The following ABR variants were observed in gnomAD, a reference collection of about 807,000 sequenced individuals.
The protein encoded by ABR is ABR activator of RhoGEF and GTPase, also known as active breakpoint cluster region-related protein.
Under a neutral mutation model 107.2 loss-of-function variants are expected in ABR, and 35 were observed. The observed-to-expected ratio is 0.33, with a 90% CI of 0.25 to 0.43. The LOEUF is 0.43. ABR is among the 20% of genes least tolerant of loss of function. The pLI is 1.00. For synonymous variants in ABR, 498 were observed against 462.0 expected (o/e 1.08, Z -1.00); for missense variants, 815 against 1,115.2 (o/e 0.73, Z 3.83).
At chr17:1,112,885 C>G (rs1460388565) in intron 2 of ABR, among the ~76,000 whole-genome samples, 4 of 151,650 alleles carry the variant, frequency 2.6e-5, no homozygotes. Flanking sequence ...AATCAGCAAG[C>G]ATTTGTTAAC....
At chr17:1,209,208 T>C (rs1229250235) in intron 1 of ABR, among the ~76,000 whole-genome samples, 6 of 152,058 alleles carry the variant, frequency 3.9e-5, no homozygotes, top group African/African-American at 1.4e-4. Context: ...CATACAGTGT[T>C]TTACTCTCTG....
intron 1 of ABR, among the ~76,000 whole-genome samples, chr17:1,128,479 C>A (rs909859930): frequency 6.6e-5 from 10 of 152,230 alleles, no homozygotes; most frequent in South Asian, 4.1e-4. Flanking sequence ...TTCAAAGACA[C>A]CTTTCCTGAT....
rs2040642235 is a variant in ABR, at chr17:1,148,390, T to G, written c.62-23023A>C. Among the ~76,000 whole-genome samples the G allele has an allele frequency of 6.6e-6, 1 of 152,100 alleles. No homozygotes were observed. The highest frequency in any genetic ancestry group is 1.5e-5 in the Non-Finnish European group (1 of 68,022). On this transcript the variant is annotated intron_variant, in intron 1 of 22. Transcript: ENST00000302538. This position sits in a 1 kb window ranked among gnomAD's most constrained non-coding sequence, Gnocchi z 4.9. ...GGATGAGGTGCTTAGAGCAGTTAGA[T>G]TCATCAAGTCAGAAAGTAGGAGGGT...
At position 1,200,610 on chromosome 17, in the gene ABR, C is replaced by A. The variant is rs2042652942; in HGVS notation, c.838+28183G>T. 6.6e-6 allele frequency among the ~76,000 whole-genome samples: 1 copy of A among 152,024 alleles called. No individual in the cohort carries two copies. Among genetic ancestry groups the A allele is most frequent in the Non-Finnish European group, 1.5e-5 (1 of 68,040 alleles). On this transcript the variant is annotated intron_variant, in intron 1 of 22. Transcript: ENST00000574139. This position sits in a 1 kb window ranked among gnomAD's most constrained non-coding sequence, Gnocchi z 4.1. ...GTCCAGCTTCATTTTCTCCCCTCCT[C>A]CCGTTACATCAAGCAGAACAAGTTT...
chr17:1,091,402 C>T (rs959488010), intron 4 of ABR, among the ~76,000 whole-genome samples: 50 of 152,138 alleles, frequency 3.3e-4, no homozygotes, highest in African/African-American at 1.0e-3. Flanking sequence ...AGCCCATCTC[C>T]ACCACCCCTG....
intron 1 of ABR, among the ~76,000 whole-genome samples, chr17:1,162,739 G>C (rs996992241): frequency 2.0e-5 from 3 of 150,754 alleles, no homozygotes; most frequent in Non-Finnish European, 4.5e-5. Flanking sequence ...ACTTTGAAAG[G>C]CTAGGCCAAG....
chr17:1,177,757 G>A (rs2041966310), intron 1 of ABR, among the ~76,000 whole-genome samples: 1 of 152,182 alleles, frequency 6.6e-6, no homozygotes, highest in South Asian at 2.1e-4. Flanking sequence ...TGAATCTGAG[G>A]CATTGTTATG....
chr17:1,100,772 C>G, intron 2 of ABR, 37 bp from the exon 3 acceptor site: 1 of 1,602,896 alleles, frequency 6.2e-7, no homozygotes, highest in Non-Finnish European at 8.5e-7. Context: ...AGCTCATGAG[C>G]AAGGAGGCCA....
chr17:1,165,817 GCC>G (rs1176436315), intron 1 of ABR, among the ~76,000 whole-genome samples: 3 of 152,214 alleles, frequency 2.0e-5, no homozygotes, highest in Non-Finnish European at 2.9e-5. Flanking sequence ...ACAGGCGTGG[GCC>G]ACCATGTCCA....
intron 2 of ABR, among the ~76,000 whole-genome samples, chr17:1,120,821 G>C (rs1285963429): frequency 6.6e-6 from 1 of 152,154 alleles, no homozygotes; most frequent in Non-Finnish European, 1.5e-5. Context: ...CACCCCTCAG[G>C]CCACACAGTG....
At chr17:1,187,199 C>A (rs2042321445) in exon 1 of ABR, 3 of 152,370 alleles carry the variant, frequency 2.0e-5, no homozygotes, top group Non-Finnish European at 4.4e-5. Context: ...GCAAAGGAAC[C>A]TCAGAGCCTA....
intron 21 of ABR, among the ~76,000 whole-genome samples, chr17:1,008,316 G>A (rs915164505): frequency 2.0e-5 from 3 of 152,190 alleles, no homozygotes; most frequent in East Asian, 1.9e-4. Flanking sequence ...CCTAAGCAGC[G>A]CCTCTCACCC....
chr17:1,077,994 C>T (rs561674969), intron 6 of ABR, among the ~76,000 whole-genome samples: 2 of 151,886 alleles, frequency 1.3e-5, no homozygotes, highest in East Asian at 1.9e-4. Context: ...CATCCTCCTA[C>T]GACCGACAGT....
At chr17:1,194,577 G>A (rs1303367646) in intron 1 of ABR, among the ~76,000 whole-genome samples, 2 of 127,842 alleles carry the variant, frequency 1.6e-5, no homozygotes, top group African/African-American at 5.3e-5. Flanking sequence ...CTACAGTCTC[G>A]ACCTCCCAGG....
At chr17:1,073,354 A>G (rs998399710) in intron 7 of ABR, among the ~76,000 whole-genome samples, 4 of 152,056 alleles carry the variant, frequency 2.6e-5, no homozygotes, top group Non-Finnish European at 4.4e-5. Context: ...AGCTGCTCCA[A>G]GGACACTGGA....
chr17:1,203,649 G>C (rs2042731159), intron 1 of ABR, among the ~76,000 whole-genome samples: 1 of 152,152 alleles, frequency 6.6e-6, no homozygotes, highest in African/African-American at 2.4e-5. Context: ...GCGAGTGTTC[G>C]GCCTCGGTTT....
Position 1,051,319 on chromosome 17 carries a change from G to A in ABR, c.1562-685C>T, listed in dbSNP as rs375398705. ...AGAAGCCTGGGTTTTCCTGCCTGCCGGTGTACCCGCAGTACCAAGAACAGG... is the reference window on the plus strand; with the variant it reads ...AGAAGCCTGGGTTTTCCTGCCTGCCAGTGTACCCGCAGTACCAAGAACAGG... On this transcript the variant is annotated intron_variant, in intron 14 of 22. Transcript: ENST00000302538. The surrounding 1 kb of genome is among the most constrained non-coding windows in gnomAD (Gnocchi z 4.3). Among the ~76,000 whole-genome samples the A allele has an allele frequency of 3.3e-5, 5 of 152,276 alleles. No individual in the cohort carries two copies. Among genetic ancestry groups the A allele is most frequent in the South Asian group, 4.1e-4 (2 of 4,826 alleles).
upstream of ABR, among the ~76,000 whole-genome samples, chr17:1,184,515 C>T (rs7211354): frequency 1.3e-5 from 2 of 152,220 alleles, no homozygotes; most frequent in East Asian, 3.9e-4. Context: ...CAGTGCTCAG[C>T]GCAGTGGGTG....
At chr17:1,086,727 C>A (rs35359504) in intron 4 of ABR, among the ~76,000 whole-genome samples, 30 of 151,952 alleles carry the variant, frequency 2.0e-4, no homozygotes, top group Admixed American at 1.9e-3. Flanking sequence ...TCTTGAACTC[C>A]TGACCTCAGG....
Sources: gnomAD v4.1 joint callset for allele counts (sites outside exome capture counted in the v4.1 genomes callset) on GRCh38, gnomAD v4.1.1 for gene constraint, Gnocchi (gnomAD v3.1) non-coding constraint, MANE v1.5 for transcripts, NCBI Gene and HGNC (gene_info 2026-07-23, HGNC 2026-07-21) for gene names.